Variants in SPIN1 observed in about 807,000 individuals in gnomAD.
SPIN1 encodes the protein spindlin-1.
SPIN1 carries 3 observed loss-of-function variants against 26.0 expected under a neutral mutation model. The ratio of observed to expected loss-of-function variants is 0.12; its 90% CI spans 0.05 to 0.30. The LOEUF is 0.30. Among genes scored for constraint, SPIN1 ranks in the 10% least tolerant of loss-of-function variants. The pLI, the probability that SPIN1 is intolerant of heterozygous loss-of-function variation, is 1.00. For synonymous variants in SPIN1, 101 were observed against 116.5 expected, an observed-to-expected ratio of 0.87 and a Z score of 0.86; for missense variants, 126 against 333.4, an observed-to-expected ratio of 0.38 and a Z score of 4.84.
In SPIN1 at chr9:88,466,630, A is replaced by C. The variant is rs957402710; in HGVS notation, c.356-1742A>C. 2.0e-5 allele frequency among the ~76,000 whole-genome samples: 3 copies of C among 152,238 alleles called. 1 individual carries two copies. The South Asian group carries it at 6.2e-4, about 31-fold the overall frequency. ...TGTTTAGGGTTTGCTGATAAAATTA[A>C]ATAGCAATACATGTATCAAGAAAAT... On this transcript the variant is annotated intron_variant, in intron 4 of 5. Transcript: ENST00000375859.
chr9:88,451,485 A>G (rs953198171), intron 3 of SPIN1, among the ~76,000 whole-genome samples: 2 of 152,174 alleles, frequency 1.3e-5, no homozygotes, highest in African/African-American at 4.8e-5. Flanking sequence ...TTTGGGTGAA[A>G]CTGGTGGATA....
chr9:88,468,139 A>G (rs1396846667), intron 4 of SPIN1, among the ~76,000 whole-genome samples: 1 of 152,144 alleles, frequency 6.6e-6, no homozygotes, highest in Non-Finnish European at 1.5e-5. Flanking sequence ...TATTTTTTTC[A>G]ATTAACTGAC....
At chr9:88,405,498 A>T (rs1031167483) in intron 1 of SPIN1, among the ~76,000 whole-genome samples, 1 of 141,332 alleles carries the variant, frequency 7.1e-6, no homozygotes, top group African/African-American at 2.7e-5. Context: ...AAGTGCTGGG[A>T]TTACAGTCGT....
intron 3 of SPIN1, among the ~76,000 whole-genome samples, chr9:88,456,110 T>A (rs192308623): frequency 5.4e-4 from 82 of 152,292 alleles, no homozygotes; most frequent in Non-Finnish European, 6.5e-4. Flanking sequence ...TTTTGATAAA[T>A]TTGTAGATGT....
chr9:88,397,906 G>T (rs1587770881), intron 1 of SPIN1, among the ~76,000 whole-genome samples: 1 of 151,688 alleles, frequency 6.6e-6, no homozygotes, highest in East Asian at 1.9e-4. Flanking sequence ...TTACAGGTGT[G>T]AGCCACCGTG....
intron 2 of SPIN1, among the ~76,000 whole-genome samples, chr9:88,448,641 C>G (rs937813746): frequency 2.6e-5 from 4 of 152,182 alleles, no homozygotes; most frequent in Non-Finnish European, 5.9e-5. Flanking sequence ...AGCCTCCACA[C>G]CAGGCTGACA....
At chr9:88,433,615 A>G (rs1343973652) in intron 2 of SPIN1, among the ~76,000 whole-genome samples, 2 of 152,042 alleles carry the variant, frequency 1.3e-5, no homozygotes, top group African/African-American at 2.4e-5. Flanking sequence ...TTCTTTGGAG[A>G]TGGATTGTCA....
intron 3 of SPIN1, among the ~76,000 whole-genome samples, chr9:88,461,829 GAAAA>G (rs1462460524): frequency 6.6e-6 from 1 of 152,050 alleles, no homozygotes; most frequent in Non-Finnish European, 1.5e-5. Context: ...TAATAAGCCA[GAAAA>G]AAAGTAGTTT....
chr9:88,423,708 G>C (rs867131553), intron 1 of SPIN1, among the ~76,000 whole-genome samples: 1 of 150,360 alleles, frequency 6.7e-6, no homozygotes, highest in South Asian at 2.1e-4. Context: ...GAACCACTGT[G>C]CCCAGCCTAC....
chr9:88,429,279 C>G (rs763761457), intron 2 of SPIN1, among the ~76,000 whole-genome samples: 4 of 152,166 alleles, frequency 2.6e-5, no homozygotes, highest in Non-Finnish European at 4.4e-5. Flanking sequence ...CAGCAGACAT[C>G]ATTTCACTTC....
At chr9:88,411,521 CT>C (rs1290180578) in intron 1 of SPIN1, 444 of 677,346 alleles carry the variant, frequency 6.6e-4, no homozygotes, top group Middle Eastern at 1.3e-3. Context: ...GGGCAGAAAG[CT>C]TTTTTTTTGG....
chr9:88,473,591 A>G (rs1828832701), intron 5 of SPIN1, among the ~76,000 whole-genome samples: 1 of 152,090 alleles, frequency 6.6e-6, no homozygotes, highest in Non-Finnish European at 1.5e-5. Flanking sequence ...GCAATTCTGC[A>G]TCGCTTTTCC....
chr9:88,459,644 A>G (rs949004233), intron 3 of SPIN1, among the ~76,000 whole-genome samples: 1 of 152,220 alleles, frequency 6.6e-6, no homozygotes, highest in African/African-American at 2.4e-5. Context: ...CAGAACAGAT[A>G]ACGGTTACAC....
At chr9:88,433,155 C>T (rs1279035174) in intron 2 of SPIN1, among the ~76,000 whole-genome samples, 1 of 151,502 alleles carries the variant, frequency 6.6e-6, no homozygotes, top group Admixed American at 6.6e-5. Context: ...TCTTGGCTCA[C>T]TGCAGCCTCA....
At chr9:88,404,609 C>G (rs1243039251) in intron 1 of SPIN1, among the ~76,000 whole-genome samples, 1 of 152,036 alleles carries the variant, frequency 6.6e-6, no homozygotes, top group Admixed American at 6.6e-5. Flanking sequence ...ACTTTTTAAA[C>G]TTTTTGTTAA....
At chr9:88,453,149 A>C (rs1282458768) in intron 3 of SPIN1, among the ~76,000 whole-genome samples, 1 of 150,824 alleles carries the variant, frequency 6.6e-6, no homozygotes, top group Non-Finnish European at 1.5e-5. Flanking sequence ...TTTTTTTTAA[A>C]TTTTTTATTT....
intron 5 of SPIN1, 31 bp from the exon 6 acceptor site, chr9:88,475,047 C>CTTTTTTTTTTTTT: frequency 2.4e-6 from 2 of 839,836 alleles, no homozygotes; most frequent in Non-Finnish European, 1.6e-6. Flanking sequence ...CTCTCTCTCT[C>CTTTTTTTTTTTTT]TTTTTTTTTT....
At position 88,410,188 on chromosome 9, in the gene SPIN1, T is replaced by TGTGTGTGTGTGC. The variant is rs4029765; in HGVS notation, c.-158-16193_-158-16192insTGTGTGTGTGCG. Among the ~76,000 whole-genome samples the TGTGTGTGTGTGC allele has an allele frequency of 3.7e-3, 532 of 142,954 alleles. 7 individuals carry two copies. Among genetic ancestry groups the TGTGTGTGTGTGC allele is most frequent in the African/African-American group, 0.015 (512 of 34,536 alleles). 93.8% of individuals were successfully genotyped at this position (142,954 alleles called of 152,430 possible). ...GTGTGTGTGTGTGTGTGTGTGTGTG[T>TGTGTGTGTGTGC]GCAACTTTTTTTTTTTTTAAAGACA... On this transcript the variant is annotated intron_variant, in intron 1 of 5. Coordinates refer to ENST00000375859, the MANE Select transcript of SPIN1 (RefSeq NM_006717.3).
At chr9:88,417,194 T>C (rs1300133621) in intron 1 of SPIN1, among the ~76,000 whole-genome samples, 1 of 152,242 alleles carries the variant, frequency 6.6e-6, no homozygotes, top group African/African-American at 2.4e-5. Context: ...ATATGTTTTT[T>C]TCGTATAAAT....
Sources: gnomAD v4.1 joint callset for allele counts (sites outside exome capture counted in the v4.1 genomes callset) on GRCh38, gnomAD v4.1.1 for gene constraint, MANE v1.5 for transcripts, NCBI Gene and HGNC (gene_info 2026-07-23, HGNC 2026-07-21) for gene names.